KANK2: variants seen among roughly 807,000 people sequenced by gnomAD.
The protein encoded by KANK2 is KN motif and ankyrin repeat domain-containing protein 2.
KANK2 carries 41 observed loss-of-function variants against 74.6 expected under a neutral mutation model. The observed-to-expected ratio is 0.55, with a 90% CI of 0.43 to 0.71. The LOEUF (loss-of-function observed/expected upper bound fraction) is 0.71, where lower values mean the gene tolerates loss of function less well. KANK2 is among the 30% of genes least tolerant of loss of function. KANK2 has a pLI of 0.00. For missense variants in KANK2, 1,148 were observed against 1,196.4 expected, an observed-to-expected ratio of 0.96 and a Z score of 0.60; for synonymous variants, 537 against 519.0, an observed-to-expected ratio of 1.03 and a Z score of -0.47.
intron 4 of KANK2, among the ~76,000 whole-genome samples, chr19:11,182,219 T>C (rs2078541506): frequency 6.6e-6 from 1 of 151,892 alleles, no homozygotes; most frequent in African/African-American, 2.4e-5. Context: ...CCCGGCCAGA[T>C]GCCAAATTTT....
chr19:11,186,423 G>A (rs1029294416), intron 4 of KANK2, among the ~76,000 whole-genome samples: 8 of 150,332 alleles, frequency 5.3e-5, no homozygotes, highest in African/African-American at 1.5e-4. Context: ...GAGGCCAGGC[G>A]CGGTGGCTCA....
intron 7 of KANK2, 87 bp downstream of exon 7, chr19:11,176,491 C>G (rs1478700204): frequency 1.4e-6 from 2 of 1,417,466 alleles, no homozygotes; most frequent in East Asian, 4.7e-5. Flanking sequence ...ATAGGAGGGT[C>G]CTTCAAAGGG....
At chr19:11,189,604 A>C (rs1211006324) in intron 4 of KANK2, among the ~76,000 whole-genome samples, 2 of 17,484 alleles carry the variant, frequency 1.1e-4, no homozygotes, top group Non-Finnish European at 1.8e-4. Context: ...ACTCTGTCTC[A>C]AAAAAAAAAA....
chr19:11,176,536 AC>A, intron 7 of KANK2, 41 bp downstream of exon 7: 1 of 1,523,344 alleles, frequency 6.6e-7, no homozygotes. Context: ...GAGGTCATCC[AC>A]CCCCGGCCCT....
chr19:11,192,488 G>A, intron 4 of KANK2: 3 of 292,234 alleles, frequency 1.0e-5, no homozygotes, highest in South Asian at 9.2e-5. Flanking sequence ...AGGCTGGAGT[G>A]CAGTGGTGTA....
intron 6 of KANK2, 98 bp downstream of exon 6, chr19:11,178,247 A>T: frequency 9.4e-7 from 1 of 1,060,622 alleles, no homozygotes; most frequent in Non-Finnish European, 1.3e-6. Flanking sequence ...TAACCAAAGC[A>T]AGGAGCTCAG....
intron 7 of KANK2, 83 bp from the exon 8 acceptor site, chr19:11,176,072 C>G (rs2078328466): frequency 3.8e-6 from 4 of 1,058,324 alleles, no homozygotes; most frequent in East Asian, 4.8e-5. Context: ...CACCACGTCA[C>G]TCACAATAGG....
In KANK2 at chr19:11,176,627, T is replaced by C. The variant is rs879043873; in HGVS notation, c.1711A>G (p.Ile571Val). The C allele has an allele frequency of 1.2e-6, 2 of 1,612,314 alleles. No individual in the cohort carries two copies. Among genetic ancestry groups the C allele is most frequent in the East Asian group, 2.2e-5 (1 of 44,854 alleles). The change falls in exon 7 of 13, where the codon ATA becomes GTA. Residue 571 changes from isoleucine to valine, a missense_variant. Physicochemically the swap from Ile to Val is conservative, Grantham distance 29. Coordinates refer to ENST00000586659, the MANE Select transcript of KANK2 (RefSeq NM_001136191.3). The stretch of plus-strand genomic sequence containing the variant: ...CCTGATGCCCCCTCAGCAGTGGGTA[T>C]GTGCTGAGATTCTCGAGACAGCTGA... ...ECQLSRESQH[I>V]PTAEGASGSN...
chr19:11,182,423 G>C (rs966383988), intron 4 of KANK2, among the ~76,000 whole-genome samples: 4 of 151,792 alleles, frequency 2.6e-5, no homozygotes, highest in Non-Finnish European at 4.4e-5. Flanking sequence ...GACTATACTT[G>C]GCTGAGATGA....
At chr19:11,178,783 G>C in intron 4 of KANK2, 63 bp from the exon 5 acceptor site, 2 of 1,432,498 alleles carry the variant, frequency 1.4e-6, no homozygotes, top group Non-Finnish European at 1.9e-6. Flanking sequence ...ACAGCCCTGC[G>C]GGTCATACAC....
Position 11,170,190 on chromosome 19 carries a change from G to T in KANK2, c.2270C>A (p.Ala757Asp). Reference sequence around the variant, plus strand: ...GACATCTGCCTCACAGGCCAGCAGGGCTTTGACAACGTCCACCCGCCCGTG... The same window carrying T: ...GACATCTGCCTCACAGGCCAGCAGGTCTTTGACAACGTCCACCCGCCCGTG... Reference protein sequence around the residue: ...VSHGRVDVVKALLACEADVNV... With the variant: ...VSHGRVDVVKDLLACEADVNV... The change falls in exon 11 of 13, where the codon GCC becomes GAC. Residue 757 changes from alanine to aspartate, a missense_variant. Transcript: ENST00000586659. The surrounding 1 kb of genome is among the most constrained non-coding windows in gnomAD (Gnocchi z 5.2). 1 of 1,611,790 alleles carries T rather than the reference G, an allele frequency of 6.2e-7. No homozygotes were observed. The highest frequency in any genetic ancestry group is 8.5e-7 in the Non-Finnish European group (1 of 1,180,004).
At chr19:11,174,101 C>A (rs2078259775) in intron 9 of KANK2, among the ~76,000 whole-genome samples, 2 of 150,908 alleles carry the variant, frequency 1.3e-5, no homozygotes, top group South Asian at 2.1e-4. Context: ...ACTAGGAGGG[C>A]CACATCCCCA....
intron 4 of KANK2, among the ~76,000 whole-genome samples, chr19:11,185,036 C>A (rs2078637461): frequency 6.7e-6 from 1 of 148,584 alleles, no homozygotes; most frequent in Admixed American, 6.8e-5. Context: ...GTCTCGACCT[C>A]CTGACCTCAG....
In KANK2 at chr19:11,193,117, C is replaced by G. The variant is rs199627538; in HGVS notation, c.963G>C (p.Pro321=). Residue 321 remains proline, a synonymous_variant, in exon 4 of 13, where the codon CCG becomes CCC. Transcript: ENST00000586659. This position sits in a 1 kb window ranked among gnomAD's most constrained non-coding sequence, Gnocchi z 9.6. The part of the protein sequence containing the change: ...ADPQPQAWPP[P]DSPVRVDTVR... ...CTGTATCCACGCGGACCGGGCTGTC[C>G]GGCGGTGGCCAGGCCTGGGGCTGGG... 15 of 1,605,410 alleles carry G rather than the reference C, an allele frequency of 9.3e-6. No homozygotes were observed. The Admixed American group carries it at 1.0e-4, about 11-fold the overall frequency.
intron 4 of KANK2, among the ~76,000 whole-genome samples, chr19:11,181,545 C>A (rs1034893017): frequency 9.2e-5 from 14 of 152,096 alleles, no homozygotes; most frequent in Non-Finnish European, 1.5e-4. Context: ...CTGCGCCCAG[C>A]CCTAGAATTA....
chr19:11,175,775 CT>C (rs2078318689), intron 8 of KANK2, 126 bp downstream of exon 8: 1 of 622,620 alleles, frequency 1.6e-6, no homozygotes, highest in Non-Finnish European at 2.8e-6. Flanking sequence ...CCCCCATGCT[CT>C]GGGCTTCAGT....
intron 9 of KANK2, among the ~76,000 whole-genome samples, chr19:11,173,878 C>T (rs1409634511): frequency 2.6e-5 from 4 of 152,086 alleles, no homozygotes; most frequent in East Asian, 1.9e-4. Flanking sequence ...GGGAAGACAG[C>T]GTCTCCTCTA....
intron 12 of KANK2, among the ~76,000 whole-genome samples, chr19:11,169,196 G>A (rs2078103801): frequency 1.3e-5 from 2 of 152,050 alleles, no homozygotes; most frequent in African/African-American, 4.8e-5. Context: ...AAATTAGCCG[G>A]GCATGGTGGT....
At chr19:11,196,337 C>CA (rs1019950447) in intron 1 of KANK2, 2 of 152,336 alleles carry the variant, frequency 1.3e-5, no homozygotes, top group African/African-American at 4.8e-5. Context: ...GGATTACAGG[C>CA]ATGAGCCACT....
Sources: gnomAD v4.1 joint callset for allele counts (sites outside exome capture counted in the v4.1 genomes callset) on GRCh38, gnomAD v4.1.1 for gene constraint, Gnocchi (gnomAD v3.1) non-coding constraint, MANE v1.5 for transcripts, NCBI Gene and HGNC (gene_info 2026-07-23, HGNC 2026-07-21) for gene names.